The following TOB2 variants were observed in gnomAD, a reference collection of about 807,000 sequenced individuals.
TOB2 encodes the protein transducer of ERBB2, 2.
TOB2 carries 3 observed loss-of-function variants against 17.3 expected under a neutral mutation model. The ratio of observed to expected loss-of-function variants is 0.17; its 90% confidence interval spans 0.08 to 0.45. TOB2 has a LOEUF of 0.45. Ranked by LOEUF, TOB2 falls within the 20% of genes least tolerant of loss-of-function variation. TOB2 has a pLI of 0.99. For synonymous variants in TOB2, 163 were observed against 185.6 expected (o/e 0.88, Z 0.99); for missense variants, 407 against 445.7 (o/e 0.91, Z 0.78).
chr22:41,441,992 G>C (rs2037625701), intron 1 of TOB2, among the ~76,000 whole-genome samples: 1 of 151,240 alleles, frequency 6.6e-6, no homozygotes, highest in Admixed American at 6.6e-5. Flanking sequence ...TCCGTAGGCT[G>C]AGGCAAGAGA....
rs1465628736 is a variant in TOB2 at position 41,435,821 on chromosome 22, G to C, written c.*490C>G. 6.5e-6 allele frequency: 1 copy of C among 153,590 alleles called. No individual in the cohort carries two copies. The highest frequency in any genetic ancestry group is 1.9e-4 in the East Asian group (1 of 5,218). 9.5% of individuals were successfully genotyped at this position (153,590 alleles called of 1,614,324 possible). A position where few individuals can be genotyped will look rare whatever the true frequency, so the allele number is the denominator to read the frequency against. On this transcript the variant is annotated 3_prime_UTR_variant, in exon 2 of 2. Transcript: ENST00000327492. ...TGAGGTTGGATGGCTTTGAGTGCGA[G>C]GATAGCTGGGTGACAGAGGCAGTGA...
chr22:41,445,956 ACGG>A (rs2037680801), intron 1 of TOB2, among the ~76,000 whole-genome samples: 1 of 152,140 alleles, frequency 6.6e-6, no homozygotes, highest in Non-Finnish European at 1.5e-5. Context: ...TTCCCTGCAC[ACGG>A]GAAAAGAAGC....
chr22:41,441,510 G>T (rs1298964112), intron 1 of TOB2, among the ~76,000 whole-genome samples: 3 of 152,026 alleles, frequency 2.0e-5, no homozygotes, highest in Non-Finnish European at 4.4e-5. Context: ...CAGGTGTGGT[G>T]GCTCACACCT....
intron 1 of TOB2, among the ~76,000 whole-genome samples, chr22:41,440,790 C>T (rs1487384031): frequency 6.6e-6 from 1 of 152,028 alleles, no homozygotes; most frequent in Non-Finnish European, 1.5e-5. Flanking sequence ...TGCTCTTGAA[C>T]TCCTGGCCTC....
intron 1 of TOB2, among the ~76,000 whole-genome samples, chr22:41,443,673 G>C (rs2037646121): frequency 6.9e-6 from 1 of 144,850 alleles, no homozygotes; most frequent in Non-Finnish European, 1.5e-5. Flanking sequence ...GCCCAGGCTG[G>C]AGTGCAATGG....
chr22:41,435,164 T>C lies in TOB2; in HGVS notation c.*1147A>G, dbSNP rs1051583993. ...AGGGTTGAAGTCCAGGGACTTCTCATAGGCATCAGGGGCTTGGGTATTCCC... is the reference window on the plus strand; with the variant it reads ...AGGGTTGAAGTCCAGGGACTTCTCACAGGCATCAGGGGCTTGGGTATTCCC... On this transcript the variant is annotated 3_prime_UTR_variant, in exon 2 of 2. Transcript: ENST00000327492. 3 of 152,384 alleles carry C rather than the reference T, an allele frequency of 2.0e-5. No individual in the cohort carries two copies. The highest frequency in any genetic ancestry group is 7.2e-5 in the African/African-American group (3 of 41,458). 9.4% of individuals were successfully genotyped at this position (152,384 alleles called of 1,614,324 possible).
chr22:41,439,555 G>A (rs984484933), intron 1 of TOB2, among the ~76,000 whole-genome samples: 1 of 151,764 alleles, frequency 6.6e-6, no homozygotes, highest in Non-Finnish European at 1.5e-5. Flanking sequence ...TCGTTCTATC[G>A]CCCAGGCTGG....
intron 1 of TOB2, among the ~76,000 whole-genome samples, chr22:41,442,061 A>G (rs899067181): frequency 1.3e-5 from 2 of 150,444 alleles, no homozygotes; most frequent in African/African-American, 4.9e-5. Context: ...ACTGGACTCC[A>G]GTCTGAATGA....
chr22:41,436,056 A>G lies in TOB2; in HGVS notation c.*255T>C. 1 of 396,130 alleles carries G rather than the reference A, an allele frequency of 2.5e-6. No homozygotes were observed. The highest frequency in any genetic ancestry group is 2.0e-5 in the African/African-American group (1 of 48,854). The allele number at this position is 396,130 out of a possible 1,614,324, so 24.5% of individuals were successfully genotyped here. On this transcript the variant is annotated 3_prime_UTR_variant, in exon 2 of 2. Transcript: ENST00000327492. The surrounding 1 kb of genome is among the most constrained non-coding windows in gnomAD (Gnocchi z 4.8). The stretch of plus-strand genomic sequence containing the variant: ...AAAACTACATGTAAGAAAAAAAAAA[A>G]AGAAAAAGAAATATAAAACCCAAAC...
In TOB2 at chr22:41,436,668, G is replaced by T. The variant is rs764562806; in HGVS notation, c.678C>A (p.Ser226Arg). 1.2e-6 allele frequency: 2 copies of T among 1,614,056 alleles called. No individual in the cohort carries two copies. Among genetic ancestry groups the T allele is most frequent in the Non-Finnish European group, 1.7e-6 (2 of 1,180,012 alleles). ...GAGAGAGGCTCTTGTGCTTCAGCAG[G>T]CTGTTGGTGGGTGAGCGGGCCATGC... is the stretch of plus-strand genomic sequence containing the variant. ...QPRMARSPTN[S>R]LLKHKSLSLS... is the part of the protein sequence containing the mutation. Residue 226 changes from serine (S) to arginine (R), a missense_variant, in exon 2 of 2, where the codon AGC (serine) becomes AGA (arginine). By Grantham distance (110) the Ser-to-Arg change is moderately radical (BLOSUM62 -1). Transcript: ENST00000327492. The surrounding 1 kb of genome is among the most constrained non-coding windows in gnomAD (Gnocchi z 4.8).
At chr22:41,444,503 C>T (rs533144300) in intron 1 of TOB2, among the ~76,000 whole-genome samples, 1 of 152,252 alleles carries the variant, frequency 6.6e-6, no homozygotes, top group African/African-American at 2.4e-5. Flanking sequence ...CCGGACCAGG[C>T]GATAGCAGGA....
intron 1 of TOB2, among the ~76,000 whole-genome samples, chr22:41,442,197 T>C (rs1019860811): frequency 1.3e-5 from 2 of 151,820 alleles, no homozygotes; most frequent in African/African-American, 4.8e-5. Flanking sequence ...ATTTTTGAAA[T>C]CTAAAACAGA....
rs777717981 is a variant in TOB2, at chr22:41,436,168, GC to G, written c.*142del. ...GCTTTGCAGGGCCCTCCCATTCCGT[GC>G]CTGGGCTGGATCTTTTTTCTAGAAG... On this transcript the variant is annotated 3_prime_UTR_variant, in exon 2 of 2. Coordinates refer to ENST00000327492, the MANE Select transcript of TOB2 (RefSeq NM_016272.4). The surrounding 1 kb of genome is among the most constrained non-coding windows in gnomAD (Gnocchi z 4.8). The G allele has an allele frequency of 1.4e-4, 163 of 1,180,720 alleles. No homozygotes were observed. The highest frequency in any genetic ancestry group is 1.8e-4 in the Non-Finnish European group (155 of 880,508). 73.1% of individuals were successfully genotyped at this position (1,180,720 alleles called of 1,614,324 possible). A position where few individuals can be genotyped will look rare whatever the true frequency, so the allele number is the denominator to read the frequency against.
chr22:41,440,936 A>G (rs889320059), intron 1 of TOB2, among the ~76,000 whole-genome samples: 2 of 151,786 alleles, frequency 1.3e-5, no homozygotes, highest in Non-Finnish European at 2.9e-5. Flanking sequence ...TTGAACTCCT[A>G]CGCTCAAGTG....
intron 1 of TOB2, among the ~76,000 whole-genome samples, chr22:41,446,026 G>C (rs1381720573): frequency 6.6e-6 from 1 of 152,178 alleles, no homozygotes; most frequent in African/African-American, 2.4e-5. Context: ...GGTGGGGGGA[G>C]TTATGTTTCT....
rs115305524 is a variant in TOB2 at position 41,434,109 on chromosome 22, C to T, written c.*2202G>A. ...TAAAAAATAAAAAAAAGTTTTCCTA[C>T]GAAACCAGGTAAATTAGTGCAGATT... On this transcript the variant is annotated 3_prime_UTR_variant, in exon 2 of 2. Transcript: ENST00000327492. 2.6e-3 allele frequency: 401 copies of T among 155,590 alleles called. 3 individuals are homozygous for T. Among genetic ancestry groups the T allele is most frequent in the African/African-American group, 9.1e-3 (377 of 41,446 alleles). 9.6% of individuals were successfully genotyped at this position (155,590 alleles called of 1,614,324 possible).
Position 41,436,252 on chromosome 22 carries a change from C to G in TOB2, c.*59G>C. ...ATTTTTCTTTTCCTCTTTTTTTTGG[C>G]CTTTCCTTTCTCTTTTCTGTGGTCT... On this transcript the variant is annotated 3_prime_UTR_variant, in exon 2 of 2. Transcript: ENST00000327492. This position sits in a 1 kb window ranked among gnomAD's most constrained non-coding sequence, Gnocchi z 4.8. The G allele has an allele frequency of 6.8e-7, 1 of 1,478,326 alleles. No individual in the cohort carries two copies. Among genetic ancestry groups the G allele is most frequent in the Non-Finnish European group, 9.0e-7 (1 of 1,115,862 alleles). The allele number at this position is 1,478,326 out of a possible 1,614,324, so 91.6% of individuals were successfully genotyped here. A position where few individuals can be genotyped will look rare whatever the true frequency, so the allele number is the denominator to read the frequency against.
chr22:41,435,630 TGAAAGGAGTTTCACTAGAC>T lies in TOB2; in HGVS notation c.*662_*680del, dbSNP rs1400720817. ...GTGGGGTGGGGCCATAGGACAGAGA[TGAAAGGAGTTTCACTAGAC>T]GAAGTGCTAATCTCCCTGTAGTCAC... On this transcript the variant is annotated 3_prime_UTR_variant, in exon 2 of 2. Transcript: ENST00000327492. 6.6e-6 allele frequency: 1 copy of T among 152,652 alleles called. No individual in the cohort carries two copies. Among genetic ancestry groups the T allele is most frequent in the East Asian group, 1.9e-4 (1 of 5,196 alleles). The allele number at this position is 152,652 out of a possible 1,614,324, so 9.5% of individuals were successfully genotyped here. A position where few individuals can be genotyped will look rare whatever the true frequency, so the allele number is the denominator to read the frequency against.
Position 41,436,407 on chromosome 22 carries a change from G to T in TOB2, c.939C>A (p.Phe313Leu). ...CTTCCACAAAGGGTGTCTTCTCCAG[G>T]AAGAGGCTGTTGGCACCACCTCCAA... ...QVFGGGANSL[F>L]LEKTPFVEGL... is the part of the protein sequence containing the mutation. Residue 313 changes from phenylalanine to leucine, a missense_variant, in exon 2 of 2, where the codon TTC becomes TTA. Phe to Leu is a conservative substitution (Grantham distance 22). Transcript: ENST00000327492. This position sits in a 1 kb window ranked among gnomAD's most constrained non-coding sequence, Gnocchi z 4.8. 2 of 1,614,180 alleles carry T rather than the reference G, an allele frequency of 1.2e-6. No individual in the cohort carries two copies. Among genetic ancestry groups the T allele is most frequent in the Non-Finnish European group, 1.7e-6 (2 of 1,180,004 alleles).
Sources: gnomAD v4.1 joint callset for allele counts (sites outside exome capture counted in the v4.1 genomes callset) on GRCh38, gnomAD v4.1.1 for gene constraint, Gnocchi (gnomAD v3.1) non-coding constraint, MANE v1.5 for transcripts, NCBI Gene and HGNC (gene_info 2026-07-23, HGNC 2026-07-21) for gene names.